The following NLGN1 variants were observed in gnomAD, a reference collection of about 807,000 sequenced individuals.
NLGN1 encodes neuroligin-1.
NLGN1 carries 12 observed loss-of-function variants against 65.5 expected under a neutral mutation model. That is an observed-to-expected ratio of 0.18 (90% CI 0.12 to 0.30). The LOEUF (loss-of-function observed/expected upper bound fraction) is 0.30. NLGN1 is among the 10% of genes least tolerant of loss of function. The pLI is 1.00. For synonymous variants in NLGN1, 350 were observed against 359.5 expected, an observed-to-expected ratio of 0.97 and a Z score of 0.30; for missense variants, 750 against 1,007.1, an observed-to-expected ratio of 0.74 and a Z score of 3.46.
intron 4 of NLGN1, among the ~76,000 whole-genome samples, chr3:173,975,934 G>A (rs1717334603): frequency 6.6e-6 from 1 of 151,958 alleles, no homozygotes; most frequent in Non-Finnish European, 1.5e-5. Flanking sequence ...GATTACCACT[G>A]CTGTACCTTC....
At chr3:173,415,263 G>A (rs1178377286) in intron 1 of NLGN1, among the ~76,000 whole-genome samples, 5 of 152,258 alleles carry the variant, frequency 3.3e-5, no homozygotes, top group Admixed American at 2.6e-4. Flanking sequence ...GTGCAAAATA[G>A]GCAAATTTAC....
intron 4 of NLGN1, among the ~76,000 whole-genome samples, chr3:174,119,846 C>G (rs2152642177): frequency 6.6e-6 from 1 of 152,262 alleles, no homozygotes; most frequent in Non-Finnish European, 1.5e-5. Flanking sequence ...ACCTTATTTT[C>G]CCTTATATAC....
At chr3:173,953,538 C>CTTAT (rs200683528) in intron 4 of NLGN1, among the ~76,000 whole-genome samples, 1,917 of 151,944 alleles carry the variant, frequency 0.013, 44 homozygotes, top group African/African-American at 0.043. Context: ...TATTTATATA[C>CTTAT]TTACTTACTT....
chr3:173,544,358 A>G (rs1453995517), intron 2 of NLGN1, among the ~76,000 whole-genome samples: 2 of 151,706 alleles, frequency 1.3e-5, no homozygotes, highest in Non-Finnish European at 2.9e-5. Context: ...AAAGAAGACT[A>G]TGCATTTATT....
chr3:173,907,855 G>A lies in NLGN1; in HGVS notation c.646+100023G>A, dbSNP rs1738764435. On this transcript the variant is annotated intron_variant, in intron 4 of 6. Coordinates refer to ENST00000457714, the Ensembl canonical transcript of NLGN1. ...CCGCCTCAGACTCCCAAAGTGCTGG[G>A]ATTACAGGTGTGAGCCACCACCCCC... is the stretch of plus-strand genomic sequence containing the variant. 2.0e-5 allele frequency among the ~76,000 whole-genome samples: 3 copies of A among 149,494 alleles called. No homozygotes were observed. In the Admixed American group the frequency reaches 2.0e-4, roughly 10 times the overall value.
intron 4 of NLGN1, among the ~76,000 whole-genome samples, chr3:173,908,378 TTAAA>T (rs1738882876): frequency 6.6e-6 from 1 of 152,192 alleles, no homozygotes. Context: ...TATAATATCT[TTAAA>T]TAGCCACACA....
intron 4 of NLGN1, among the ~76,000 whole-genome samples, chr3:173,837,367 C>T (rs907686482): frequency 6.6e-6 from 1 of 152,048 alleles, no homozygotes; most frequent in African/African-American, 2.4e-5. Context: ...TTTAAATGCA[C>T]TCATCATAAT....
chr3:173,546,327 A>G (rs1256514931), intron 2 of NLGN1, among the ~76,000 whole-genome samples: 2 of 152,142 alleles, frequency 1.3e-5, no homozygotes, highest in African/African-American at 2.4e-5. Flanking sequence ...CACATATGAT[A>G]GGTATGTATA....
chr3:173,601,270 A>C (rs546532207), intron 2 of NLGN1, among the ~76,000 whole-genome samples: 58 of 152,020 alleles, frequency 3.8e-4, no homozygotes, highest in Non-Finnish European at 7.1e-4. Context: ...GAATTCAAAT[A>C]CTAAAGTTTT....
intron 4 of NLGN1, among the ~76,000 whole-genome samples, chr3:174,056,585 G>T (rs1736140112): frequency 1.3e-5 from 2 of 151,964 alleles, no homozygotes; most frequent in African/African-American, 4.8e-5. Flanking sequence ...TTGTATCATG[G>T]AAGTTCTCTA....
chr3:173,708,715 C>G (rs148955557), intron 3 of NLGN1, among the ~76,000 whole-genome samples: 3 of 152,062 alleles, frequency 2.0e-5, no homozygotes, highest in African/African-American at 7.2e-5. Flanking sequence ...GGCTTTCTGA[C>G]GTACAGGACC....
At position 174,280,745 on chromosome 3, in the gene NLGN1, T is replaced by C. The variant is rs1465761910; in HGVS notation, c.1914T>C (p.Pro638=). Reference sequence around the variant, plus strand: ...CATCAACTGACATCACTTTCAGACCTACGAGAAAAAATTCTGTACCTGTCA... The same window carrying C: ...CATCAACTGACATCACTTTCAGACCCACGAGAAAAAATTCTGTACCTGTCA... Residue 638 remains proline, a synonymous_variant, in exon 7 of 7, where the codon CCT becomes CCC. Coordinates refer to ENST00000457714, the Ensembl canonical transcript of NLGN1. The surrounding 1 kb of genome is among the most constrained non-coding windows in gnomAD (Gnocchi z 4.9). 3 of 1,613,248 alleles carry C rather than the reference T, an allele frequency of 1.9e-6. No individual in the cohort carries two copies. The highest frequency in any genetic ancestry group is 1.7e-5 in the Admixed American group (1 of 59,890).
At chr3:174,241,474 C>T (rs1293163757) in intron 4 of NLGN1, among the ~76,000 whole-genome samples, 1 of 151,314 alleles carries the variant, frequency 6.6e-6, no homozygotes, top group African/African-American at 2.4e-5. Flanking sequence ...GTTTTCTAGC[C>T]ATCATTTAGA....
At chr3:173,466,496 C>T (rs929774790) in intron 2 of NLGN1, among the ~76,000 whole-genome samples, 1 of 152,070 alleles carries the variant, frequency 6.6e-6, no homozygotes, top group Non-Finnish European at 1.5e-5. Context: ...AGAATAGGCT[C>T]CTGAGTTGGC....
intron 3 of NLGN1, among the ~76,000 whole-genome samples, chr3:173,733,008 A>T (rs181034249): frequency 3.3e-5 from 5 of 152,308 alleles, no homozygotes; most frequent in African/African-American, 7.2e-5. Flanking sequence ...TACCTTTTAT[A>T]TCAAAAATTA....
At chr3:173,965,442 G>A (rs1266068837) in intron 4 of NLGN1, among the ~76,000 whole-genome samples, 2 of 150,580 alleles carry the variant, frequency 1.3e-5, no homozygotes, top group African/African-American at 2.4e-5. Flanking sequence ...TTCAGCCTCT[G>A]TAGTAGCTGG....
At chr3:173,908,400 TTGCA>T (rs1450573787) in intron 4 of NLGN1, among the ~76,000 whole-genome samples, 1 of 152,226 alleles carries the variant, frequency 6.6e-6, no homozygotes, top group African/African-American at 2.4e-5. Context: ...ACAAAAATGT[TTGCA>T]TTTTCAAACC....
chr3:173,567,710 A>G (rs965114943), intron 2 of NLGN1, among the ~76,000 whole-genome samples: 6 of 151,954 alleles, frequency 3.9e-5, no homozygotes, highest in Non-Finnish European at 8.8e-5. Flanking sequence ...TTTTGCTGCT[A>G]TAAATTATTG....
At chr3:173,739,901 T>C (rs1161452208) in intron 3 of NLGN1, among the ~76,000 whole-genome samples, 1 of 152,142 alleles carries the variant, frequency 6.6e-6, no homozygotes, top group Admixed American at 6.6e-5. Flanking sequence ...CATTCTGAGT[T>C]GATGGACTGG....
Sources: allele counts gnomAD v4.1 joint callset (sites outside exome capture counted in the v4.1 genomes callset), GRCh38; gene constraint gnomAD v4.1.1; non-coding constraint Gnocchi (gnomAD v3.1); transcripts MANE v1.5; gene names NCBI Gene and HGNC (gene_info 2026-07-23, HGNC 2026-07-21).